GABRA1: variants seen among roughly 807,000 people sequenced by gnomAD.
The protein encoded by GABRA1 is gamma-aminobutyric acid type A receptor subunit alpha1, also known as gamma-aminobutyric acid receptor subunit alpha-1.
A neutral mutation model predicts 48.9 loss-of-function variants in GABRA1; 9 were observed. The observed-to-expected ratio is 0.18, with a 90% CI of 0.11 to 0.32. GABRA1 has a LOEUF of 0.32. Ranked by LOEUF, GABRA1 falls within the 10% of genes least tolerant of loss-of-function variation. GABRA1 has a pLI of 1.00. For synonymous variants in GABRA1, 210 were observed against 198.7 expected, an observed-to-expected ratio of 1.06 and a Z score of -0.48; for missense variants, 285 against 553.8, an observed-to-expected ratio of 0.51 and a Z score of 4.87.
At chr5:161,879,712 T>A (rs916512263) in intron 6 of GABRA1, among the ~76,000 whole-genome samples, 2 of 152,182 alleles carry the variant, frequency 1.3e-5, no homozygotes, top group African/African-American at 4.8e-5. Context: ...GAGACATGGA[T>A]AATGAGTCAT....
chr5:161,857,518 A>T (rs966248029), intron 3 of GABRA1, among the ~76,000 whole-genome samples: 3 of 151,584 alleles, frequency 2.0e-5, no homozygotes, highest in Non-Finnish European at 4.4e-5. Context: ...ATTTTAAAAG[A>T]CTGCCTTTTC....
rs3214859 is a variant in GABRA1, at chr5:161,895,646, GT to G, written c.857-9del. 6.7e-3 allele frequency: 8,465 copies of G among 1,261,274 alleles called. 16 individuals are homozygous for G. The highest frequency in any genetic ancestry group is 0.021 in the African/African-American group (1,390 of 66,314). The allele number at this position is 1,261,274 out of a possible 1,614,324, so 78.1% of individuals were successfully genotyped here. On this transcript the variant is annotated intron_variant, in intron 8 of 9. Coordinates refer to ENST00000393943, the MANE Select transcript of GABRA1 (RefSeq NM_001127644.2). ...CACAGTATGAACTGGCATCATGTAT[GT>G]TTTTTTTTTTCTTTACAGGAGTAAC...
intron 4 of GABRA1, 138 bp from the exon 5 acceptor site, chr5:161,872,979 C>T: frequency 1.4e-6 from 1 of 727,754 alleles, no homozygotes; most frequent in Admixed American, 1.9e-5. Flanking sequence ...TACATGCTAT[C>T]ACACGTTTAC....
At chr5:161,853,504 G>A (rs1757530466) in intron 2 of GABRA1, among the ~76,000 whole-genome samples, 1 of 151,658 alleles carries the variant, frequency 6.6e-6, no homozygotes, top group Admixed American at 6.6e-5. Context: ...TCTTTCTAAA[G>A]GTTCTTTTTA....
intron 3 of GABRA1, among the ~76,000 whole-genome samples, chr5:161,862,064 A>T (rs1757882330): frequency 6.6e-6 from 1 of 151,816 alleles, no homozygotes; most frequent in Non-Finnish European, 1.5e-5. Flanking sequence ...ACAAAATACC[A>T]CCTACAATTC....
intron 6 of GABRA1, among the ~76,000 whole-genome samples, chr5:161,879,272 C>T (rs569983146): frequency 6.6e-6 from 1 of 152,054 alleles, no homozygotes; most frequent in African/African-American, 2.4e-5. Flanking sequence ...TCACACCTGG[C>T]TAATTTTCAA....
At chr5:161,850,597 A>T in intron 1 of GABRA1, 199 bp from the exon 2 acceptor site, 1 of 611,038 alleles carries the variant, frequency 1.6e-6, no homozygotes, top group South Asian at 1.9e-5. Context: ...GGACACTGAT[A>T]TATTTCTGAA....
chr5:161,867,593 G>T (rs991128827), intron 4 of GABRA1, among the ~76,000 whole-genome samples: 3 of 152,134 alleles, frequency 2.0e-5, no homozygotes, highest in African/African-American at 7.2e-5. Context: ...AGTTTTAAAT[G>T]AGATGTGCAA....
rs113886269 is a variant in GABRA1, at chr5:161,850,837, C to A, written c.27C>A (p.Asp9Glu). The change falls in exon 2 of 10, where the codon GAC becomes GAA. Residue 9 changes from aspartate (D) to glutamate (E), a missense_variant. Transcript: ENST00000393943. The stretch of plus-strand genomic sequence containing the variant: ...TGAGGAAAAGTCCAGGTCTGTCTGA[C>A]TGTCTTTGGGCCTGGATCCTCCTTC... The part of the protein sequence containing the change: MRKSPGLS[D>E]CLWAWILLLS... 283 of 1,614,098 alleles carry A rather than the reference C, an allele frequency of 1.8e-4. 2 individuals carry two copies. The African/African-American group carries it at 3.0e-3, about 17-fold the overall frequency.
intron 1 of GABRA1, 138 bp from the exon 2 acceptor site, chr5:161,850,658 T>A (rs1425216103): frequency 1.4e-6 from 1 of 712,366 alleles, no homozygotes; most frequent in Non-Finnish European, 2.6e-6. Flanking sequence ...TTTCCATTGC[T>A]TCCAATGAGG....
chr5:161,864,593 A>G (rs1440360460), intron 3 of GABRA1, among the ~76,000 whole-genome samples: 1 of 151,948 alleles, frequency 6.6e-6, no homozygotes, highest in Middle Eastern at 3.2e-3. Flanking sequence ...GTTATATGCC[A>G]GAGATGCAAA....
chr5:161,863,932 A>G (rs910513726), intron 3 of GABRA1, among the ~76,000 whole-genome samples: 3 of 151,962 alleles, frequency 2.0e-5, no homozygotes, highest in African/African-American at 4.8e-5. Context: ...AATGTTTTCA[A>G]CAGTGTTAGA....
chr5:161,870,568 G>GA (rs748877866), intron 4 of GABRA1, among the ~76,000 whole-genome samples: 3,993 of 60,096 alleles, frequency 0.066, 78 homozygotes, highest in Non-Finnish European at 0.091. Context: ...AACTCCTTCA[G>GA]AAAAAAAAAA....
At chr5:161,882,737 G>A in intron 7 of GABRA1, 36 bp downstream of exon 7, 2 of 1,583,486 alleles carry the variant, frequency 1.3e-6, no homozygotes, top group East Asian at 2.2e-5. Context: ...TATGGAGGAA[G>A]AAGAAGAATA....
chr5:161,898,758 G>A lies in GABRA1; in HGVS notation c.*1336G>A, dbSNP rs975579947. ...AAATGGGAAGCATTAGTTGGAGCTA[G>A]AAAATGAACTGTATATTATTGCTAT... is the stretch of plus-strand genomic sequence containing the variant. On this transcript the variant is annotated 3_prime_UTR_variant, in exon 10 of 10. Coordinates refer to ENST00000393943, the MANE Select transcript of GABRA1 (RefSeq NM_001127644.2). The A allele has an allele frequency of 6.6e-6, 1 of 152,478 alleles. No individual in the cohort carries two copies. The highest frequency in any genetic ancestry group is 1.5e-5 in the Non-Finnish European group (1 of 67,956). The allele number at this position is 152,478 out of a possible 1,614,324, so 9.4% of individuals were successfully genotyped here. A position where few individuals can be genotyped will look rare whatever the true frequency, so the allele number is the denominator to read the frequency against.
intron 3 of GABRA1, among the ~76,000 whole-genome samples, chr5:161,854,758 G>T (rs1757582691): frequency 6.6e-6 from 1 of 151,558 alleles, no homozygotes; most frequent in Non-Finnish European, 1.5e-5. Context: ...TGGTAGTGTT[G>T]TGGTTTAACT....
chr5:161,865,650 C>A (rs1334618829), intron 3 of GABRA1, 71 bp from the exon 4 acceptor site: 2 of 1,179,330 alleles, frequency 1.7e-6, no homozygotes, highest in South Asian at 1.2e-5. Flanking sequence ...ATTTGGGTGT[C>A]AGTATGTGGT....
rs146921154 is a variant in GABRA1, at chr5:161,854,008, T to C, written c.75-150T>C. ...TAATTAAATGCCCAGAGTTTAAAAA[T>C]AACATTCCTTTTTACCTTGTGAAAA... On this transcript the variant is annotated intron_variant, in intron 2 of 9. Transcript: ENST00000393943. 2.1e-3 allele frequency: 1,106 copies of C among 516,808 alleles called. 16 individuals are homozygous for C. The highest frequency in any genetic ancestry group is 0.02 in the African/African-American group (1,039 of 51,452). The allele number at this position is 516,808 out of a possible 1,614,324, so 32.0% of individuals were successfully genotyped here.
chr5:161,868,279 T>C (rs894939739), intron 4 of GABRA1, among the ~76,000 whole-genome samples: 1 of 152,158 alleles, frequency 6.6e-6, no homozygotes, highest in Non-Finnish European at 1.5e-5. Flanking sequence ...ATAGGCAGTG[T>C]TGACTTTCCT....
Sources: gnomAD v4.1 joint callset for allele counts (sites outside exome capture counted in the v4.1 genomes callset) on GRCh38, gnomAD v4.1.1 for gene constraint, MANE v1.5 for transcripts, NCBI Gene and HGNC (gene_info 2026-07-23, HGNC 2026-07-21) for gene names.